Variants in RAB11FIP3 observed in about 807,000 individuals in gnomAD.
The protein encoded by RAB11FIP3 is rab11 family-interacting protein 3.
A neutral mutation model predicts 77.8 loss-of-function variants in RAB11FIP3; 17 were observed. The ratio of observed to expected loss-of-function variants is 0.22; its 90% CI spans 0.15 to 0.33. The LOEUF is 0.33. Ranked by LOEUF, RAB11FIP3 falls within the 10% of genes least tolerant of loss-of-function variation. RAB11FIP3 has a pLI of 1.00. For missense variants in RAB11FIP3, 1,005 were observed against 1,011.2 expected (o/e 0.99, Z 0.08); for synonymous variants, 437 against 448.2 (o/e 0.98, Z 0.31).
chr16:455,797 C>T (rs766762590), intron 1 of RAB11FIP3, among the ~76,000 whole-genome samples: 13 of 152,038 alleles, frequency 8.6e-5, no homozygotes, highest in Non-Finnish European at 1.5e-4. Flanking sequence ...CACCATGTTG[C>T]CCAGGCTAGT....
In RAB11FIP3 at chr16:426,913, C is replaced by T. The variant is rs1020763616; in HGVS notation, c.714+193C>T. Among the ~76,000 whole-genome samples, 1 of 152,194 alleles carries T rather than the reference C, an allele frequency of 6.6e-6. No homozygotes were observed. Among genetic ancestry groups the T allele is most frequent in the Non-Finnish European group, 1.5e-5 (1 of 68,038 alleles). ...TGAATTGCGCTGGAGTCCCTCTTCC[C>T]TTCTTAAAAGGAGGTTCTATTCTGG... On this transcript the variant is annotated intron_variant, in intron 1 of 13. Transcript: ENST00000262305. This position sits in a 1 kb window ranked among gnomAD's most constrained non-coding sequence, Gnocchi z 5.0.
chr16:459,529 C>T lies in RAB11FIP3; in HGVS notation c.715-1875C>T, dbSNP rs368796389. On this transcript the variant is annotated intron_variant, in intron 1 of 13. Transcript: ENST00000262305. ...TTGGCTCACTGCAACCTCCGCCTCC[C>T]GGGTTCAAGCGATTCTCCAGCTTCA... Among the ~76,000 whole-genome samples the T allele has an allele frequency of 1.6e-4, 24 of 151,800 alleles. No homozygotes were observed. The East Asian group carries it at 1.9e-3, about 12-fold the overall frequency.
At chr16:468,248 G>C (rs1313062808) in intron 2 of RAB11FIP3, among the ~76,000 whole-genome samples, 21 of 83,492 alleles carry the variant, frequency 2.5e-4, no homozygotes, top group African/African-American at 5.9e-4. Flanking sequence ...GTGCTGGGGC[G>C]TCAGGGAGGA....
chr16:441,416 A>G (rs1055321456), intron 1 of RAB11FIP3, among the ~76,000 whole-genome samples: 2 of 152,194 alleles, frequency 1.3e-5, no homozygotes, highest in African/African-American at 2.4e-5. Context: ...GACCTCTGGC[A>G]TGTTCTCACG....
At chr16:447,007 AT>A (rs1567361174) in intron 1 of RAB11FIP3, among the ~76,000 whole-genome samples, 2 of 151,108 alleles carry the variant, frequency 1.3e-5, no homozygotes, top group Non-Finnish European at 2.9e-5. Context: ...CTTTAAAAAC[AT>A]TTTTTTAAGA....
intron 6 of RAB11FIP3, among the ~76,000 whole-genome samples, chr16:498,466 C>T (rs1360699052): frequency 1.3e-5 from 2 of 152,226 alleles, no homozygotes; most frequent in Non-Finnish European, 2.9e-5. Context: ...TGAGCCGTCA[C>T]ACCTGGCCAT....
intron 6 of RAB11FIP3, among the ~76,000 whole-genome samples, chr16:498,520 C>T (rs1192614359): frequency 1.3e-5 from 2 of 151,906 alleles, no homozygotes; most frequent in African/African-American, 4.8e-5. Flanking sequence ...CTTTTCTTGG[C>T]TTTCTTTTCT....
At chr16:510,260 C>T (rs2032076877) in intron 8 of RAB11FIP3, among the ~76,000 whole-genome samples, 1 of 152,198 alleles carries the variant, frequency 6.6e-6, no homozygotes, top group Non-Finnish European at 1.5e-5. Flanking sequence ...GGCTCCGTGC[C>T]TCTGGGCTCT....
chr16:443,902 C>G (rs1018922147), intron 1 of RAB11FIP3, among the ~76,000 whole-genome samples: 1 of 152,170 alleles, frequency 6.6e-6, no homozygotes, highest in Non-Finnish European at 1.5e-5. Flanking sequence ...AAAATATTTT[C>G]CGTCACCAAA....
At chr16:487,276 A>G (rs1010985894) in intron 4 of RAB11FIP3, among the ~76,000 whole-genome samples, 1 of 151,628 alleles carries the variant, frequency 6.6e-6, no homozygotes, top group African/African-American at 2.4e-5. Context: ...GACTACAGGC[A>G]CCCGCCACCA....
At position 506,000 on chromosome 16, in the gene RAB11FIP3, G is replaced by A. The variant is rs181156584; in HGVS notation, c.1499+373G>A. On this transcript the variant is annotated intron_variant, in intron 8 of 13. Transcript: ENST00000262305. This position sits in a 1 kb window ranked among gnomAD's most constrained non-coding sequence, Gnocchi z 4.0. The stretch of plus-strand genomic sequence containing the variant: ...GCTCTCCCACCACTCTGGTCCATAC[G>A]GGGTTTGCCCGTCCTGGAAGAATGC... 1.1e-3 allele frequency among the ~76,000 whole-genome samples: 175 copies of A among 152,322 alleles called. 1 individual carries two copies. The highest frequency in any genetic ancestry group is 1.3e-3 in the Non-Finnish European group (88 of 68,028).
chr16:501,843 G>A (rs1203882428), intron 6 of RAB11FIP3, among the ~76,000 whole-genome samples: 1 of 150,668 alleles, frequency 6.6e-6, no homozygotes, highest in Non-Finnish European at 1.5e-5. Flanking sequence ...AGTTCGGAGA[G>A]GATCCCCCAT....
intron 1 of RAB11FIP3, among the ~76,000 whole-genome samples, chr16:458,427 A>G (rs2055540262): frequency 1.3e-5 from 2 of 150,510 alleles, no homozygotes; most frequent in African/African-American, 4.9e-5. Flanking sequence ...CGATGCCCAC[A>G]GGGCCTGGGG....
In RAB11FIP3 at chr16:492,455, TTCCCGGGGAGACCCGAGG is replaced by T. The variant is rs2030554585; in HGVS notation, c.1265+3456_1265+3473del. ...GGAGACCCGAGGCCGCCCAGGGCCCTTCCCGGGGAGACCCGAGGCCGCCCAGGGCCCTCCCGGGAGACC... is the reference window on the plus strand; with the variant it reads ...GGAGACCCGAGGCCGCCCAGGGCCCTCCGCCCAGGGCCCTCCCGGGAGACC... On this transcript the variant is annotated intron_variant, in intron 5 of 13. Transcript: ENST00000262305. Among the ~76,000 whole-genome samples the T allele has an allele frequency of 9.3e-4, 45 of 48,182 alleles. 2 individuals are homozygous for T. The highest frequency in any genetic ancestry group is 5.1e-3 in the African/African-American group (42 of 8,156). 31.6% of individuals were successfully genotyped at this position (48,182 alleles called of 152,430 possible).
At chr16:469,311 T>C (rs1246195124) in intron 2 of RAB11FIP3, among the ~76,000 whole-genome samples, 1 of 152,178 alleles carries the variant, frequency 6.6e-6, no homozygotes, top group Non-Finnish European at 1.5e-5. Context: ...CCTGAACTCG[T>C]GATCTGCCCA....
At chr16:445,961 G>A (rs749562303) in intron 1 of RAB11FIP3, among the ~76,000 whole-genome samples, 4 of 152,142 alleles carry the variant, frequency 2.6e-5, no homozygotes, top group Non-Finnish European at 5.9e-5. Flanking sequence ...CCTGTGTGAG[G>A]TGGGGGTAGG....
At chr16:446,214 C>T (rs962969666) in intron 1 of RAB11FIP3, among the ~76,000 whole-genome samples, 1 of 152,054 alleles carries the variant, frequency 6.6e-6, no homozygotes, top group African/African-American at 2.4e-5. Flanking sequence ...TGTGACTAAC[C>T]ACTGCACTCC....
At chr16:455,539 T>C (rs2055488957) in intron 1 of RAB11FIP3, among the ~76,000 whole-genome samples, 1 of 151,878 alleles carries the variant, frequency 6.6e-6, no homozygotes, top group Admixed American at 6.6e-5. Flanking sequence ...GGTCAGTCCA[T>C]TCTTGGGTGG....
chr16:436,761 C>T (rs1036483750), intron 1 of RAB11FIP3, among the ~76,000 whole-genome samples: 6 of 152,138 alleles, frequency 3.9e-5, no homozygotes, highest in Admixed American at 6.6e-5. Flanking sequence ...TGAGCTACCG[C>T]GCCCAGCCTT....
Sources: allele counts gnomAD v4.1 joint callset (sites outside exome capture counted in the v4.1 genomes callset), GRCh38; gene constraint gnomAD v4.1.1; non-coding constraint Gnocchi (gnomAD v3.1); transcripts MANE v1.5; gene names NCBI Gene and HGNC (gene_info 2026-07-23, HGNC 2026-07-21).